Variants in PITPNC1 observed in about 807,000 individuals in gnomAD.
The protein encoded by PITPNC1 is cytoplasmic phosphatidylinositol transfer protein 1.
In PITPNC1, 18 loss-of-function variants were observed where a neutral mutation model predicts 44.7. That is an observed-to-expected ratio of 0.40 (90% confidence interval 0.28 to 0.60). PITPNC1 has a LOEUF of 0.60. PITPNC1 is among the 20% of genes least tolerant of loss of function. The pLI, the probability that PITPNC1 is intolerant of heterozygous loss-of-function variation, is 0.39. For synonymous variants in PITPNC1, 141 were observed against 149.6 expected (o/e 0.94, Z 0.42); for missense variants, 290 against 418.4 (o/e 0.69, Z 2.68).
chr17:67,412,855 C>T (rs1394171366), intron 1 of PITPNC1, among the ~76,000 whole-genome samples: 4 of 152,318 alleles, frequency 2.6e-5, no homozygotes, highest in South Asian at 2.1e-4. Context: ...CGTGAGCCAC[C>T]GCGCCCGGCC....
intron 1 of PITPNC1, among the ~76,000 whole-genome samples, chr17:67,475,931 C>A (rs7350910): frequency 2.0e-5 from 3 of 151,972 alleles, no homozygotes; most frequent in African/African-American, 7.3e-5. Flanking sequence ...CGGTCTCTAA[C>A]GTAAAAAAAC....
chr17:67,463,530 A>T (rs1180743096), intron 1 of PITPNC1, among the ~76,000 whole-genome samples: 2 of 152,168 alleles, frequency 1.3e-5, no homozygotes, highest in African/African-American at 4.8e-5. Context: ...GAAGTCCTTG[A>T]CTTGGGGTCA....
chr17:67,689,415 T>C (rs534316080), intron 8 of PITPNC1, among the ~76,000 whole-genome samples: 4 of 152,172 alleles, frequency 2.6e-5, no homozygotes, highest in Non-Finnish European at 5.9e-5. Context: ...TTTTGAATGC[T>C]TATGACATTT....
chr17:67,389,740 C>T (rs531399539), intron 1 of PITPNC1, among the ~76,000 whole-genome samples: 8 of 152,164 alleles, frequency 5.3e-5, no homozygotes, highest in Admixed American at 1.3e-4. Flanking sequence ...AGTGCTATGG[C>T]GCAATCTCGG....
intron 2 of PITPNC1, among the ~76,000 whole-genome samples, chr17:67,549,228 C>A (rs563487637): frequency 3.3e-5 from 5 of 152,020 alleles, no homozygotes; most frequent in Non-Finnish European, 7.4e-5. Context: ...CCGAGGCGGG[C>A]GGATCACCTG....
chr17:67,402,540 C>G (rs867043726), intron 1 of PITPNC1, among the ~76,000 whole-genome samples: 63 of 150,302 alleles, frequency 4.2e-4, no homozygotes, highest in Middle Eastern at 3.4e-3. Flanking sequence ...AGCTGTCTCT[C>G]TAACCTGTGG....
chr17:67,518,561 A>G (rs2040285930), intron 1 of PITPNC1, among the ~76,000 whole-genome samples: 1 of 151,210 alleles, frequency 6.6e-6, no homozygotes, highest in South Asian at 2.1e-4. Context: ...CTTTGCAAGA[A>G]TAAGTGATCC....
chr17:67,429,852 A>C (rs1243297130), intron 1 of PITPNC1, among the ~76,000 whole-genome samples: 1 of 152,248 alleles, frequency 6.6e-6, no homozygotes, highest in East Asian at 1.9e-4. Flanking sequence ...AGCATTAAAT[A>C]TTAGAAGGAA....
At chr17:67,453,323 CCTTTG>C in intron 1 of PITPNC1, among the ~76,000 whole-genome samples, 1 of 151,552 alleles carries the variant, frequency 6.6e-6, no homozygotes, top group Admixed American at 6.6e-5. Context: ...ACTTTTTTTT[CCTTTG>C]CTTTGCTTAC....
At position 67,575,819 on chromosome 17, in the gene PITPNC1, T is replaced by TTTCC. The variant is rs1173397726; in HGVS notation, c.295-2347_295-2344dup. 7.0e-3 allele frequency among the ~76,000 whole-genome samples: 761 copies of TTTCC among 108,524 alleles called. 17 individuals carry two copies. Among genetic ancestry groups the TTTCC allele is most frequent in the African/African-American group, 0.025 (686 of 27,814 alleles). The allele number at this position is 108,524 out of a possible 152,430, so 71.2% of individuals were successfully genotyped here. A position where few individuals can be genotyped will look rare whatever the true frequency, so the allele number is the denominator to read the frequency against. On this transcript the variant is annotated intron_variant, in intron 4 of 8. Coordinates refer to ENST00000581322, the MANE Select transcript of PITPNC1 (RefSeq NM_012417.4). ...CCTTCTTTCTTTCTTTCTTTCTTTC[T>TTTCC]TTCCTTCCTTCCTTCCTTCCTTCTT...
chr17:67,593,622 C>T (rs946318393), intron 5 of PITPNC1, among the ~76,000 whole-genome samples: 6 of 152,190 alleles, frequency 3.9e-5, no homozygotes, highest in Non-Finnish European at 8.8e-5. Context: ...TGGTCTCAAA[C>T]TCCTGGGCTC....
chr17:67,616,027 A>G (rs2041753610), intron 5 of PITPNC1, among the ~76,000 whole-genome samples: 1 of 152,226 alleles, frequency 6.6e-6, no homozygotes, highest in Non-Finnish European at 1.5e-5. Flanking sequence ...ACTGTAACTT[A>G]GAAGTGATTT....
intron 1 of PITPNC1, among the ~76,000 whole-genome samples, chr17:67,397,345 C>G (rs1183966007): frequency 6.8e-6 from 1 of 147,808 alleles, no homozygotes; most frequent in Non-Finnish European, 1.5e-5. Context: ...GCAGCCAGAT[C>G]CCTGGTATCA....
Position 67,688,175 on chromosome 17 carries a change from C to A in PITPNC1, c.683-4397C>A, listed in dbSNP as rs551876567. On this transcript the variant is annotated intron_variant, in intron 8 of 8. Coordinates refer to ENST00000581322, the MANE Select transcript of PITPNC1 (RefSeq NM_012417.4). ...CCAACATGGAGAAACCTCGTCTCTA[C>A]TTAAAATACAAAATTAGCTGGGTGT... is the stretch of plus-strand genomic sequence containing the variant. Among the ~76,000 whole-genome samples, 130 of 151,340 alleles carry A rather than the reference C, an allele frequency of 8.6e-4. 1 individual carries two copies. Among genetic ancestry groups the A allele is most frequent in the Admixed American group, 4.9e-3 (74 of 15,140 alleles).
intron 5 of PITPNC1, among the ~76,000 whole-genome samples, chr17:67,607,838 C>T (rs764193478): frequency 3.3e-5 from 5 of 151,688 alleles, no homozygotes; most frequent in Non-Finnish European, 7.4e-5. Context: ...AAGCGATTCT[C>T]CTGCCTCAGC....
At chr17:67,427,142 T>G (rs1327336019) in intron 1 of PITPNC1, among the ~76,000 whole-genome samples, 1 of 149,872 alleles carries the variant, frequency 6.7e-6, no homozygotes, top group Admixed American at 6.6e-5. Context: ...ATACTAATAG[T>G]CAGGGCTCTG....
At chr17:67,599,034 A>ATATATT (rs1461493250) in intron 5 of PITPNC1, among the ~76,000 whole-genome samples, 7 of 35,670 alleles carry the variant, frequency 2.0e-4, no homozygotes, top group African/African-American at 4.6e-4. Flanking sequence ...ATATATATAT[A>ATATATT]TTTTTTTTTT....
chr17:67,414,880 T>G (rs1416182385), intron 1 of PITPNC1, among the ~76,000 whole-genome samples: 2 of 152,074 alleles, frequency 1.3e-5, no homozygotes, highest in Non-Finnish European at 2.9e-5. Flanking sequence ...ATTCTCTCTT[T>G]TTTATTTTTA....
chr17:67,627,464 G>A (rs2041909980), intron 5 of PITPNC1, among the ~76,000 whole-genome samples: 1 of 152,200 alleles, frequency 6.6e-6, no homozygotes, highest in Non-Finnish European at 1.5e-5. Context: ...CCAGTGGTTG[G>A]ACTAAAGGAT....
Sources: allele counts gnomAD v4.1 joint callset (sites outside exome capture counted in the v4.1 genomes callset), GRCh38; gene constraint gnomAD v4.1.1; transcripts MANE v1.5; gene names NCBI Gene and HGNC (gene_info 2026-07-23, HGNC 2026-07-21).